The following FHIT variants were observed in gnomAD, a reference collection of about 807,000 sequenced individuals.
The protein encoded by FHIT is fragile histidine triad diadenosine triphosphatase.
In FHIT, 19 loss-of-function variants were observed where a neutral mutation model predicts 17.9. The ratio of observed to expected loss-of-function variants is 1.06; its 90% CI spans 0.74 to 1.56. The LOEUF is 1.56. FHIT is among the 40% of genes most tolerant of loss of function. The pLI is 0.00. For synonymous variants in FHIT, 81 were observed against 69.7 expected (o/e 1.16, Z -0.81); for missense variants, 248 against 189.2 (o/e 1.31, Z -1.82).
chr3:60,831,916 T>G (rs558226736), intron 3 of FHIT, among the ~76,000 whole-genome samples: 68 of 152,212 alleles, frequency 4.5e-4, no homozygotes, highest in East Asian at 2.7e-3. Flanking sequence ...GAGACATGAT[T>G]GTATAATGGA....
chr3:61,002,219 T>G (rs1305433806), intron 3 of FHIT, among the ~76,000 whole-genome samples: 2 of 152,210 alleles, frequency 1.3e-5, no homozygotes, highest in Non-Finnish European at 2.9e-5. Context: ...GTGCAATAGA[T>G]CTCAAAAACT....
At chr3:60,380,695 G>C (rs1344749440) in intron 5 of FHIT, among the ~76,000 whole-genome samples, 1 of 152,110 alleles carries the variant, frequency 6.6e-6, no homozygotes, top group African/African-American at 2.4e-5. Context: ...CATCTTTTCA[G>C]ACCTATATTA....
At chr3:60,716,076 T>C (rs1265413987) in intron 4 of FHIT, among the ~76,000 whole-genome samples, 3 of 152,010 alleles carry the variant, frequency 2.0e-5, no homozygotes, top group Admixed American at 6.6e-5. Context: ...ACCCTGTCTT[T>C]ACTAAAAATA....
At chr3:60,834,201 T>C (rs1272360520) in intron 3 of FHIT, among the ~76,000 whole-genome samples, 2 of 152,244 alleles carry the variant, frequency 1.3e-5, no homozygotes, top group East Asian at 3.9e-4. Flanking sequence ...AACCATTTTC[T>C]AGAGTGGCTA....
At chr3:61,201,123 A>C (rs2038999209) in intron 1 of FHIT, among the ~76,000 whole-genome samples, 1 of 152,186 alleles carries the variant, frequency 6.6e-6, no homozygotes, top group African/African-American at 2.4e-5. Context: ...TGGTCCTTCT[A>C]ATATAAACCT....
At chr3:60,455,743 T>C (rs1229056436) in intron 5 of FHIT, among the ~76,000 whole-genome samples, 3 of 152,040 alleles carry the variant, frequency 2.0e-5, no homozygotes, top group Non-Finnish European at 4.4e-5. Flanking sequence ...TGAGAATGAC[T>C]TCCCTGCTTG....
At chr3:60,339,493 G>A (rs982112548) in intron 5 of FHIT, among the ~76,000 whole-genome samples, 7 of 152,136 alleles carry the variant, frequency 4.6e-5, no homozygotes, top group South Asian at 4.2e-4. Flanking sequence ...ACACATAGGC[G>A]TTCTGTTGAC....
intron 4 of FHIT, among the ~76,000 whole-genome samples, chr3:60,599,333 C>A (rs1444906530): frequency 2.6e-5 from 4 of 152,046 alleles, no homozygotes; most frequent in African/African-American, 9.7e-5. Context: ...GTCAATTGGC[C>A]AGTGACAAAC....
intron 5 of FHIT, among the ~76,000 whole-genome samples, chr3:60,029,158 T>C (rs1348163367): frequency 1.3e-5 from 2 of 152,242 alleles, no homozygotes; most frequent in Non-Finnish European, 2.9e-5. Flanking sequence ...TCTATTTCTT[T>C]ATACTCTGAT....
intron 8 of FHIT, among the ~76,000 whole-genome samples, chr3:59,910,816 T>C (rs1704834918): frequency 1.3e-5 from 2 of 152,172 alleles, no homozygotes; most frequent in Non-Finnish European, 2.9e-5. Flanking sequence ...TTCCGTTGTC[T>C]AGCTTCAGTT....
chr3:61,181,304 CAAATA>C (rs1359028660), intron 2 of FHIT, among the ~76,000 whole-genome samples: 3 of 152,062 alleles, frequency 2.0e-5, no homozygotes, highest in African/African-American at 7.2e-5. Context: ...AATAAATATA[CAAATA>C]TATACTGTGA....
chr3:60,773,341 A>C (rs528916876), intron 4 of FHIT, among the ~76,000 whole-genome samples: 1 of 152,324 alleles, frequency 6.6e-6, no homozygotes, highest in South Asian at 2.1e-4. Flanking sequence ...GTACCCAATT[A>C]AGCCCAAACA....
chr3:59,755,363 T>A (rs1188656702), intron 8 of FHIT, among the ~76,000 whole-genome samples: 1 of 152,120 alleles, frequency 6.6e-6, no homozygotes, highest in Non-Finnish European at 1.5e-5. Context: ...TCCATCCAGG[T>A]GACTTGAAGA....
intron 5 of FHIT, among the ~76,000 whole-genome samples, chr3:60,483,001 C>T (rs1441614797): frequency 6.6e-6 from 1 of 151,968 alleles, no homozygotes; most frequent in Admixed American, 6.6e-5. Context: ...AGGGATATCA[C>T]CACTGACACC....
At chr3:59,900,717 A>G (rs78342315) in intron 8 of FHIT, among the ~76,000 whole-genome samples, 1,884 of 152,210 alleles carry the variant, frequency 0.012, 106 homozygotes, top group Admixed American at 0.08. Context: ...AGGTTGAAGC[A>G]ATTCTCCTAC....
intron 3 of FHIT, among the ~76,000 whole-genome samples, chr3:61,025,330 A>C (rs556417110): frequency 5.3e-5 from 8 of 152,322 alleles, no homozygotes; most frequent in Non-Finnish European, 1.0e-4. Flanking sequence ...TTGCTGCAGT[A>C]GAGTAAAGGC....
At chr3:60,279,446 C>G (rs896502966) in intron 5 of FHIT, among the ~76,000 whole-genome samples, 2 of 151,938 alleles carry the variant, frequency 1.3e-5, no homozygotes, top group African/African-American at 2.4e-5. Context: ...TAAATTGGGT[C>G]CAGACAATTT....
At chr3:60,506,551 G>C (rs2034739231) in intron 5 of FHIT, among the ~76,000 whole-genome samples, 1 of 152,140 alleles carries the variant, frequency 6.6e-6, no homozygotes, top group African/African-American at 2.4e-5. Flanking sequence ...ATCGTGGGAG[G>C]AGTATACTAC....
At chr3:59,971,660 G>A (rs766189798) in intron 7 of FHIT, among the ~76,000 whole-genome samples, 4 of 152,150 alleles carry the variant, frequency 2.6e-5, no homozygotes, top group Non-Finnish European at 5.9e-5. Context: ...GGAGAAAAGG[G>A]TCTTGGAAGT....
Sources: gnomAD v4.1 joint callset for allele counts (sites outside exome capture counted in the v4.1 genomes callset) on GRCh38, gnomAD v4.1.1 for gene constraint, MANE v1.5 for transcripts, NCBI Gene and HGNC (gene_info 2026-07-23, HGNC 2026-07-21) for gene names.